HELLS: variants seen among roughly 807,000 people sequenced by gnomAD.
The protein encoded by HELLS is helicase, lymphoid specific, also known as lymphoid-specific helicase.
Under a neutral mutation model 120.0 loss-of-function variants are expected in HELLS, and 32 were observed. That is an observed-to-expected ratio of 0.27 (90% CI 0.20 to 0.36). The LOEUF (loss-of-function observed/expected upper bound fraction) is 0.36, where lower values mean the gene tolerates loss of function less well. Among genes scored for constraint, HELLS ranks in the 10% least tolerant of loss-of-function variants. HELLS has a pLI of 1.00. For missense variants in HELLS, 650 were observed against 993.4 expected (o/e 0.65, Z 4.65); for synonymous variants, 341 against 323.4 (o/e 1.05, Z -0.58).
At chr10:94,601,254 A>G (rs188904869) in intron 21 of HELLS, among the ~76,000 whole-genome samples, 152 of 152,280 alleles carry the variant, frequency 1.0e-3, no homozygotes, top group Middle Eastern at 3.4e-3. Flanking sequence ...ATCTTACCTT[A>G]AATTCAGCAA....
intron 10 of HELLS, among the ~76,000 whole-genome samples, chr10:94,580,260 C>A (rs1844804536): frequency 6.9e-6 from 1 of 145,956 alleles, no homozygotes; most frequent in Non-Finnish European, 1.5e-5. Context: ...TCTCGGCTTA[C>A]TGCAACCTGT....
chr10:94,571,224 C>T (rs1168473883), intron 6 of HELLS, 164 bp from the exon 7 acceptor site: 2 of 499,354 alleles, frequency 4.0e-6, no homozygotes, highest in Non-Finnish European at 7.1e-6. Context: ...TATTATGAGC[C>T]AGTAATGTCT....
rs567520344 is a variant in HELLS at position 94,553,441 on chromosome 10, G to T, written c.154-685G>T. On this transcript the variant is annotated intron_variant, in intron 2 of 21. Transcript: ENST00000348459. Reference sequence around the variant, plus strand: ...TTTTTATAGTTTTAGTAGAGATGGGGTTTCACCATTTTGGCCAGGATGGTC... The same window carrying T: ...TTTTTATAGTTTTAGTAGAGATGGGTTTTCACCATTTTGGCCAGGATGGTC... 4.6e-5 allele frequency among the ~76,000 whole-genome samples: 7 copies of T among 151,682 alleles called. No individual in the cohort carries two copies. The East Asian group carries it at 1.4e-3, about 29-fold the overall frequency.
chr10:94,607,593 T>C (rs1846141697), intron 8 of HELLS, among the ~76,000 whole-genome samples: 2 of 152,208 alleles, frequency 1.3e-5, no homozygotes, highest in African/African-American at 2.4e-5. Flanking sequence ...TATTCCATAT[T>C]TTGAAGGTGT....
chr10:94,595,152 C>T (rs1191824048), intron 19 of HELLS, among the ~76,000 whole-genome samples: 1 of 151,764 alleles, frequency 6.6e-6, no homozygotes, highest in Non-Finnish European at 1.5e-5. Flanking sequence ...CGCTTGAACC[C>T]GGGAGGAGGA....
Position 94,551,923 on chromosome 10 carries a change from T to G in HELLS, c.154-2203T>G, listed in dbSNP as rs546010898. 1.1e-4 allele frequency among the ~76,000 whole-genome samples: 16 copies of G among 152,136 alleles called. No homozygotes were observed. The South Asian group carries it at 3.3e-3, about 32-fold the overall frequency. On this transcript the variant is annotated intron_variant, in intron 2 of 21. Coordinates refer to ENST00000348459, the MANE Select transcript of HELLS (RefSeq NM_018063.5). ...CGCGGCTAATTTTTTGTATTTTTAG[T>G]AGAGACAGGGTTTCACCGTGTTAGC...
chr10:94,573,891 T>G, intron 7 of HELLS, 69 bp from the exon 8 acceptor site: 1 of 849,684 alleles, frequency 1.2e-6, no homozygotes, highest in Admixed American at 2.2e-5. Flanking sequence ...TTAGTTGCAT[T>G]TTCTGATAAA....
chr10:94,608,497 T>A (rs1327864121), intron 9 of HELLS, among the ~76,000 whole-genome samples: 5 of 152,210 alleles, frequency 3.3e-5, no homozygotes, highest in African/African-American at 1.2e-4. Context: ...TATGAGTGGT[T>A]GTCATGCTAA....
At chr10:94,590,920 A>T in intron 15 of HELLS, 144 bp downstream of exon 15, 1 of 481,150 alleles carries the variant, frequency 2.1e-6, no homozygotes, top group South Asian at 5.8e-5. Flanking sequence ...GTAAGCTGAG[A>T]CAGTCTTCTT....
At chr10:94,579,472 A>G (rs915446955) in intron 10 of HELLS, among the ~76,000 whole-genome samples, 2 of 151,828 alleles carry the variant, frequency 1.3e-5, no homozygotes, top group Non-Finnish European at 2.9e-5. Flanking sequence ...GAGAACTACT[A>G]CTTTTATACT....
At chr10:94,593,949 C>A (rs1845621153) in intron 18 of HELLS, among the ~76,000 whole-genome samples, 1 of 151,014 alleles carries the variant, frequency 6.6e-6, no homozygotes, top group African/African-American at 2.4e-5. Flanking sequence ...GCTTGAGCCA[C>A]CACACCCAGC....
At chr10:94,554,838 A>G (rs992106583) in intron 3 of HELLS, among the ~76,000 whole-genome samples, 9 of 151,936 alleles carry the variant, frequency 5.9e-5, no homozygotes, top group African/African-American at 9.7e-5. Flanking sequence ...AATCACGTCT[A>G]TGTTATGAGG....
At chr10:94,574,274 C>T in intron 8 of HELLS, 87 bp downstream of exon 8, 1 of 874,238 alleles carries the variant, frequency 1.1e-6, no homozygotes, top group Admixed American at 2.3e-5. Context: ...TGAGTCATTT[C>T]TATCATGTTT....
intron 6 of HELLS, among the ~76,000 whole-genome samples, chr10:94,563,989 T>C (rs1264624628): frequency 6.6e-6 from 1 of 152,028 alleles, no homozygotes; most frequent in African/African-American, 2.4e-5. Context: ...TTTGTATTTT[T>C]AGTGGAGATG....
At chr10:94,556,960 C>G (rs1843300014) in intron 3 of HELLS, among the ~76,000 whole-genome samples, 1 of 152,174 alleles carries the variant, frequency 6.6e-6, no homozygotes, top group African/African-American at 2.4e-5. Context: ...GGCTTTTGCC[C>G]TTGCTATTTT....
At chr10:94,574,533 A>G in intron 8 of HELLS, 21 bp from the exon 9 acceptor site, 2 of 1,561,278 alleles carry the variant, frequency 1.3e-6, no homozygotes, top group Non-Finnish European at 1.8e-6. Flanking sequence ...GTTTAAATAC[A>G]GTATCTATTA....
intron 21 of HELLS, among the ~76,000 whole-genome samples, chr10:94,600,958 G>A (rs924694592): frequency 8.6e-5 from 13 of 152,024 alleles, no homozygotes; most frequent in Admixed American, 3.3e-4. Flanking sequence ...TAATGAAAAC[G>A]GATAATATAA....
intron 12 of HELLS, among the ~76,000 whole-genome samples, chr10:94,586,370 C>T (rs1845150847): frequency 1.3e-5 from 2 of 152,236 alleles, no homozygotes; most frequent in Admixed American, 1.3e-4. Context: ...ATCCGCCTGC[C>T]TTGGCCTCCC....
chr10:94,565,713 T>C (rs1425720259), intron 6 of HELLS, among the ~76,000 whole-genome samples: 1 of 152,122 alleles, frequency 6.6e-6, no homozygotes, highest in East Asian at 1.9e-4. Context: ...CCACTTTTAA[T>C]ATGCCATACT....
Sources: gnomAD v4.1 joint callset for allele counts (sites outside exome capture counted in the v4.1 genomes callset) on GRCh38, gnomAD v4.1.1 for gene constraint, MANE v1.5 for transcripts, NCBI Gene and HGNC (gene_info 2026-07-23, HGNC 2026-07-21) for gene names.